NCKAP5: variants seen among roughly 807,000 people sequenced by gnomAD.
NCKAP5 encodes nck-associated protein 5.
A neutral mutation model predicts 167.0 loss-of-function variants in NCKAP5; 92 were observed. That is an observed-to-expected ratio of 0.55 (90% CI 0.47 to 0.66). NCKAP5 has a LOEUF of 0.66. Ranked by LOEUF, NCKAP5 falls within the 30% of genes least tolerant of loss-of-function variation. NCKAP5 has a pLI of 0.00. For synonymous variants in NCKAP5, 891 were observed against 877.4 expected, an observed-to-expected ratio of 1.02 and a Z score of -0.27; for missense variants, 2,378 against 2,315.0, an observed-to-expected ratio of 1.03 and a Z score of -0.56.
chr2:132,778,910 A>G (rs972713354), intron 15 of NCKAP5, among the ~76,000 whole-genome samples: 3 of 152,200 alleles, frequency 2.0e-5, no homozygotes, highest in African/African-American at 7.2e-5. Flanking sequence ...TTGTGAAATT[A>G]GTAATTTTAG....
In NCKAP5 at chr2:133,302,800, A is replaced by T. The variant is rs184426036; in HGVS notation, c.143+237T>A. Among the ~76,000 whole-genome samples the T allele has an allele frequency of 8.1e-3, 1,232 of 151,282 alleles. 13 individuals carry two copies. Among genetic ancestry groups the T allele is most frequent in the African/African-American group, 0.021 (883 of 41,356 alleles). On this transcript the variant is annotated intron_variant, in intron 4 of 19. Transcript: ENST00000409261. ...GTATAATAAAAAAATAAAAATAAAA[A>T]AAATAAATAAATAAATAAATAAATA...
the NCKAP5 span, among the ~76,000 whole-genome samples, chr2:133,647,726 A>AAGGAAGGAAGGAAGGG: frequency 7.1e-6 from 1 of 141,018 alleles, no homozygotes; most frequent in African/African-American, 2.6e-5. Flanking sequence ...GGAAGGAAGG[A>AAGGAAGGAAGGAAGGG]AGGAAGGAAG....
intron 4 of NCKAP5, among the ~76,000 whole-genome samples, chr2:133,227,672 G>C (rs928275326): frequency 6.6e-6 from 1 of 152,138 alleles, no homozygotes; most frequent in Non-Finnish European, 1.5e-5. Context: ...TTGATGCTCT[G>C]ATCATCTGCC....
chr2:132,841,571 G>A (rs966132040), intron 11 of NCKAP5, among the ~76,000 whole-genome samples: 1 of 152,004 alleles, frequency 6.6e-6, no homozygotes, highest in African/African-American at 2.4e-5. Context: ...GATAATAATA[G>A]TGGCATTATT....
intron 5 of NCKAP5, among the ~76,000 whole-genome samples, chr2:133,199,631 T>C (rs1344265867): frequency 6.6e-6 from 1 of 151,974 alleles, no homozygotes; most frequent in Non-Finnish European, 1.5e-5. Flanking sequence ...AAATGTAAAA[T>C]GGAACAGCTA....
chr2:133,250,395 C>A (rs564558292), intron 4 of NCKAP5, among the ~76,000 whole-genome samples: 1 of 152,260 alleles, frequency 6.6e-6, no homozygotes, highest in African/African-American at 2.4e-5. Context: ...CCACCACCAG[C>A]TTAGGGCATG....
At chr2:132,769,187 AT>A (rs1385379330) in intron 16 of NCKAP5, among the ~76,000 whole-genome samples, 9 of 151,894 alleles carry the variant, frequency 5.9e-5, no homozygotes, top group Non-Finnish European at 1.2e-4. Flanking sequence ...GGTTCAAGCA[AT>A]TCTGCTGCCT....
At chr2:133,551,108 T>C (rs1330309240) in intron 2 of NCKAP5, among the ~76,000 whole-genome samples, 2 of 151,574 alleles carry the variant, frequency 1.3e-5, no homozygotes, top group African/African-American at 2.4e-5. Flanking sequence ...TACAAACAAA[T>C]GGAAGAACAT....
chr2:132,801,950 G>T (rs1685073344), intron 11 of NCKAP5, among the ~76,000 whole-genome samples: 1 of 152,138 alleles, frequency 6.6e-6, no homozygotes. Flanking sequence ...TTGAGCCTTT[G>T]GCTATTTAGT....
At chr2:133,245,505 G>A (rs372813082) in intron 4 of NCKAP5, among the ~76,000 whole-genome samples, 2 of 152,132 alleles carry the variant, frequency 1.3e-5, no homozygotes, top group East Asian at 3.9e-4. Flanking sequence ...AACAAGGCAT[G>A]GAGTGAATTC....
intron 6 of NCKAP5, among the ~76,000 whole-genome samples, chr2:133,004,521 T>C (rs1222165128): frequency 1.3e-5 from 2 of 151,932 alleles, no homozygotes; most frequent in Admixed American, 6.6e-5. Context: ...TTATTAGGGA[T>C]TTCAAAAGGG....
chr2:132,893,899 C>T (rs1307461320), intron 8 of NCKAP5, among the ~76,000 whole-genome samples: 1 of 152,160 alleles, frequency 6.6e-6, no homozygotes, highest in Non-Finnish European at 1.5e-5. Context: ...CACACATACA[C>T]ACAAATGTAC....
chr2:132,925,845 A>G (rs1431410549), intron 8 of NCKAP5, among the ~76,000 whole-genome samples: 1 of 152,204 alleles, frequency 6.6e-6, no homozygotes, highest in Non-Finnish European at 1.5e-5. Flanking sequence ...TTCTAAAATC[A>G]AGATTTCCTG....
At chr2:132,891,513 C>T (rs1044365886) in intron 8 of NCKAP5, among the ~76,000 whole-genome samples, 2 of 152,192 alleles carry the variant, frequency 1.3e-5, no homozygotes, top group African/African-American at 2.4e-5. Context: ...TTTTCCTTCT[C>T]TTGTTTTGTT....
chr2:132,869,787 C>A (rs1574471775), intron 9 of NCKAP5, among the ~76,000 whole-genome samples: 2 of 152,124 alleles, frequency 1.3e-5, no homozygotes, highest in East Asian at 3.9e-4. Flanking sequence ...TCAGCAGCTA[C>A]CCTGACAACA....
chr2:132,783,180 G>C lies in NCKAP5; in HGVS notation c.3631C>G (p.Pro1211Ala), dbSNP rs768865390. Residue 1211 changes from proline to alanine, a missense_variant, in exon 14 of 20, where the codon CCG (proline) becomes GCG (alanine). This residue lies in a region of NCKAP5 where 1,325 missense variants were observed against 1,274.5 expected (regional missense o/e 1.04). Coordinates refer to ENST00000409261, the MANE Select transcript of NCKAP5 (RefSeq NM_207363.3). ...ITAGERNVTL[P>A]DSQAQGSLAD... ...AAACTGCCCTGTGCTTGTGAATCCG[G>C]TAGGGTCACATTTCTTTCACCCGCT... The C allele has an allele frequency of 6.2e-7, 1 of 1,613,850 alleles. No homozygotes were observed. Among genetic ancestry groups the C allele is most frequent in the South Asian group, 1.1e-5 (1 of 91,060 alleles).
intron 6 of NCKAP5, among the ~76,000 whole-genome samples, chr2:133,016,616 C>A (rs1166630019): frequency 6.6e-6 from 1 of 152,134 alleles, no homozygotes; most frequent in Non-Finnish European, 1.5e-5. Context: ...TAAAATGAAT[C>A]ATAATAAAAT....
At chr2:133,207,918 G>A (rs925941248) in intron 5 of NCKAP5, among the ~76,000 whole-genome samples, 1 of 152,158 alleles carries the variant, frequency 6.6e-6, no homozygotes, top group African/African-American at 2.4e-5. Flanking sequence ...ATAAGTATGC[G>A]CTACACATAG....
At chr2:132,975,027 A>C (rs111894869) in intron 7 of NCKAP5, among the ~76,000 whole-genome samples, 2 of 152,164 alleles carry the variant, frequency 1.3e-5, no homozygotes, top group African/African-American at 4.8e-5. Context: ...ATATATTGTC[A>C]CTTTAGATAG....
Sources: allele counts gnomAD v4.1 joint callset (sites outside exome capture counted in the v4.1 genomes callset), GRCh38; gene constraint gnomAD v4.1.1; regional missense constraint gnomAD v4.1.1; transcripts MANE v1.5; gene names NCBI Gene and HGNC (gene_info 2026-07-23, HGNC 2026-07-21).